Variants in DEPTOR observed in about 807,000 individuals in gnomAD.
DEPTOR encodes the protein DEP domain-containing mTOR-interacting protein.
A neutral mutation model predicts 41.6 loss-of-function variants in DEPTOR; 41 were observed. The ratio of observed to expected loss-of-function variants is 0.98; its 90% CI spans 0.77 to 1.28. The LOEUF (loss-of-function observed/expected upper bound fraction) is 1.28, where lower values mean the gene tolerates loss of function less well. Ranked by LOEUF, DEPTOR falls within the 50% of genes most tolerant of loss-of-function variation. The probability of loss-of-function intolerance (pLI) is 0.00; values close to 1 mark genes in which losing one functional copy is unlikely to be tolerated. For synonymous variants in DEPTOR, 195 were observed against 192.3 expected (o/e 1.01, Z -0.12); for missense variants, 514 against 527.9 (o/e 0.97, Z 0.26).
chr8:119,920,594 G>T (rs1431718664), intron 1 of DEPTOR, among the ~76,000 whole-genome samples: 2 of 152,202 alleles, frequency 1.3e-5, no homozygotes, highest in Non-Finnish European at 2.9e-5. Context: ...AGAGGCTGAA[G>T]AAGAGTTCAG....
chr8:119,923,905 T>C (rs1199778975), intron 1 of DEPTOR, among the ~76,000 whole-genome samples: 2 of 148,314 alleles, frequency 1.3e-5, no homozygotes, highest in Non-Finnish European at 3.0e-5. Context: ...TTTTTTTTTT[T>C]GGTATTATTT....
intron 1 of DEPTOR, among the ~76,000 whole-genome samples, chr8:119,913,868 T>C (rs1827777164): frequency 6.6e-6 from 1 of 152,118 alleles, no homozygotes; most frequent in African/African-American, 2.4e-5. Flanking sequence ...AATTGTCAAG[T>C]TGGCTTACCA....
intron 1 of DEPTOR, among the ~76,000 whole-genome samples, chr8:119,895,231 T>G (rs751655101): frequency 6.6e-6 from 1 of 152,214 alleles, no homozygotes; most frequent in African/African-American, 2.4e-5. Flanking sequence ...CTTAAAAGTA[T>G]GGGTGCCCTT....
intron 8 of DEPTOR, among the ~76,000 whole-genome samples, chr8:120,038,603 A>AG (rs145093926): frequency 0.22 from 33,139 of 149,902 alleles, 4,054 homozygotes; most frequent in Middle Eastern, 0.29. Flanking sequence ...AAAAAAAAAA[A>AG]AAAAAAGAAA....
chr8:119,945,028 C>T (rs960642396), intron 3 of DEPTOR, among the ~76,000 whole-genome samples: 1 of 152,068 alleles, frequency 6.6e-6, no homozygotes, highest in Admixed American at 6.6e-5. Flanking sequence ...GCCATCTCAA[C>T]AGGGTGATTG....
chr8:119,993,617 A>G (rs1320845565), intron 4 of DEPTOR, among the ~76,000 whole-genome samples: 1 of 152,166 alleles, frequency 6.6e-6, no homozygotes, highest in Non-Finnish European at 1.5e-5. Flanking sequence ...AATTTATCAA[A>G]TGGTATGTAT....
intron 4 of DEPTOR, among the ~76,000 whole-genome samples, chr8:119,968,641 C>T (rs1410265673): frequency 6.6e-6 from 1 of 152,114 alleles, no homozygotes; most frequent in East Asian, 1.9e-4. Flanking sequence ...ATGTACAATA[C>T]TATAGGGCCA....
intron 1 of DEPTOR, among the ~76,000 whole-genome samples, chr8:119,898,616 C>G (rs538430453): frequency 2.6e-5 from 4 of 151,722 alleles, no homozygotes; most frequent in African/African-American, 9.7e-5. Context: ...CCCAGCTGCT[C>G]AGGAGGCTGA....
intron 1 of DEPTOR, 185 bp downstream of exon 1, chr8:119,874,153 A>T (rs994594314): frequency 8.6e-6 from 8 of 935,666 alleles, no homozygotes; most frequent in Non-Finnish European, 1.2e-5. Context: ...GTCCCTGAGG[A>T]CTCGCTCGCC....
At position 120,050,440 on chromosome 8, in the gene DEPTOR, A is replaced by G. The variant is rs1813219368; in HGVS notation, c.*736A>G. On this transcript the variant is annotated 3_prime_UTR_variant, in exon 9 of 9. Transcript: ENST00000286234. The stretch of plus-strand genomic sequence containing the variant: ...TATAAATCAGCTATAGCATCTTTCT[A>G]GAATTAATCCTGAATATGTTGAATG... 1 of 152,142 alleles carries G rather than the reference A, an allele frequency of 6.6e-6. No individual in the cohort carries two copies. The highest frequency in any genetic ancestry group is 1.5e-5 in the Non-Finnish European group (1 of 68,026). 9.4% of individuals were successfully genotyped at this position (152,142 alleles called of 1,614,324 possible). A position where few individuals can be genotyped will look rare whatever the true frequency, so the allele number is the denominator to read the frequency against.
chr8:119,877,653 C>T (rs896897200), intron 1 of DEPTOR, among the ~76,000 whole-genome samples: 3 of 152,200 alleles, frequency 2.0e-5, no homozygotes, highest in African/African-American at 7.2e-5. Context: ...AAAATTTAGC[C>T]TCTAGGCCCA....
chr8:119,907,757 C>A (rs1827682281), intron 1 of DEPTOR, among the ~76,000 whole-genome samples: 2 of 150,672 alleles, frequency 1.3e-5, no homozygotes, highest in African/African-American at 4.9e-5. Flanking sequence ...TCTGGCCTGG[C>A]AACAGAGAGA....
intron 8 of DEPTOR, among the ~76,000 whole-genome samples, chr8:120,049,046 A>G (rs1414469364): frequency 6.6e-6 from 1 of 152,176 alleles, no homozygotes; most frequent in South Asian, 2.1e-4. Flanking sequence ...TTACATCGAT[A>G]TTACCCACAC....
At chr8:120,030,226 A>G (rs1024695255) in intron 8 of DEPTOR, among the ~76,000 whole-genome samples, 3 of 152,110 alleles carry the variant, frequency 2.0e-5, no homozygotes, top group African/African-American at 4.8e-5. Flanking sequence ...TGCGGAGAAC[A>G]GACTTTAGTG....
intron 3 of DEPTOR, among the ~76,000 whole-genome samples, chr8:119,959,940 C>T (rs1828468798): frequency 6.6e-6 from 1 of 152,024 alleles, no homozygotes. Context: ...TAAGGGTGTA[C>T]ATTCATGGGC....
chr8:120,038,603 A>AAG (rs1554587812), intron 8 of DEPTOR, among the ~76,000 whole-genome samples: 127 of 149,948 alleles, frequency 8.5e-4, no homozygotes, highest in African/African-American at 2.9e-3. Context: ...AAAAAAAAAA[A>AAG]AAAAAAGAAA....
chr8:119,896,178 C>T (rs1827517935), intron 1 of DEPTOR, among the ~76,000 whole-genome samples: 1 of 152,140 alleles, frequency 6.6e-6, no homozygotes, highest in Admixed American at 6.5e-5. Context: ...TTGAACCATA[C>T]TATGTGACCA....
intron 3 of DEPTOR, among the ~76,000 whole-genome samples, chr8:119,961,647 A>G (rs1828494392): frequency 6.6e-6 from 1 of 152,174 alleles, no homozygotes; most frequent in African/African-American, 2.4e-5. Flanking sequence ...GACCTTGAGC[A>G]AGTTTCCTTC....
At chr8:119,908,532 G>T (rs1259486046) in intron 1 of DEPTOR, among the ~76,000 whole-genome samples, 2 of 152,112 alleles carry the variant, frequency 1.3e-5, no homozygotes, top group Non-Finnish European at 2.9e-5. Context: ...AGGAGATGAT[G>T]GGAATCTTGA....
Sources: gnomAD v4.1 joint callset for allele counts (sites outside exome capture counted in the v4.1 genomes callset) on GRCh38, gnomAD v4.1.1 for gene constraint, MANE v1.5 for transcripts, NCBI Gene and HGNC (gene_info 2026-07-23, HGNC 2026-07-21) for gene names.